PRKDC: variants seen among roughly 807,000 people sequenced by gnomAD.
PRKDC encodes DNA-dependent protein kinase catalytic subunit.
Under a neutral mutation model 486.9 loss-of-function variants are expected in PRKDC, and 82 were observed. The ratio of observed to expected loss-of-function variants is 0.17; its 90% CI spans 0.14 to 0.20. The LOEUF (loss-of-function observed/expected upper bound fraction) is 0.20. Ranked by LOEUF, PRKDC falls within the 10% of genes least tolerant of loss-of-function variation. The pLI is 1.00. For synonymous variants in PRKDC, 1,895 were observed against 1,837.0 expected, an observed-to-expected ratio of 1.03 and a Z score of -0.81; for missense variants, 4,504 against 5,038.2, an observed-to-expected ratio of 0.89 and a Z score of 3.21.
intron 36 of PRKDC, among the ~76,000 whole-genome samples, chr8:47,885,615 G>A (rs1334016722): frequency 2.0e-5 from 3 of 152,032 alleles, no homozygotes; most frequent in African/African-American, 4.8e-5. Flanking sequence ...AATATTGACC[G>A]GGTGCAGTGG....
chr8:47,773,614 A>C lies in PRKDC; in HGVS notation c.*559T>G, dbSNP rs2086557331. ...GAAGAGAATAAAATGAAAGGAAAAA[A>C]CCTAGAAAAATATCCTAAAATATCA... On this transcript the variant is annotated 3_prime_UTR_variant, in exon 86 of 86. Coordinates refer to ENST00000314191, the MANE Select transcript of PRKDC (RefSeq NM_006904.7). The C allele has an allele frequency of 4.5e-6, 1 of 220,532 alleles. No individual in the cohort carries two copies. The highest frequency in any genetic ancestry group is 5.8e-5 in the Admixed American group (1 of 17,330). The allele number at this position is 220,532 out of a possible 1,614,324, so 13.7% of individuals were successfully genotyped here. A position where few individuals can be genotyped will look rare whatever the true frequency, so the allele number is the denominator to read the frequency against.
intron 38 of PRKDC, among the ~76,000 whole-genome samples, chr8:47,880,185 T>C (rs1424058311): frequency 6.6e-6 from 1 of 152,218 alleles, no homozygotes; most frequent in Non-Finnish European, 1.5e-5. Flanking sequence ...GGCTAGTTGG[T>C]TGACGCCAGC....
intron 7 of PRKDC, among the ~76,000 whole-genome samples, chr8:47,950,392 G>A (rs940762179): frequency 2.6e-5 from 4 of 151,902 alleles, no homozygotes; most frequent in Admixed American, 6.6e-5. Context: ...TTGGGAGGCC[G>A]AGCCGGGCAG....
At chr8:47,899,407 A>G (rs1354282352) in intron 28 of PRKDC, among the ~76,000 whole-genome samples, 1 of 152,164 alleles carries the variant, frequency 6.6e-6, no homozygotes, top group Admixed American at 6.5e-5. Context: ...GCATTTTGGG[A>G]GGCTGAGGCA....
intron 7 of PRKDC, among the ~76,000 whole-genome samples, chr8:47,952,882 G>C (rs929148554): frequency 6.6e-6 from 1 of 151,784 alleles, no homozygotes; most frequent in East Asian, 1.9e-4. Context: ...GCTCATGCCT[G>C]TAATCCCAGC....
chr8:47,774,065 A>T lies in PRKDC; in HGVS notation c.*108T>A. 8.7e-7 allele frequency: 1 copy of T among 1,148,664 alleles called. No homozygotes were observed. Among genetic ancestry groups the T allele is most frequent in the Non-Finnish European group, 1.2e-6 (1 of 831,776 alleles). 71.2% of individuals were successfully genotyped at this position (1,148,664 alleles called of 1,614,324 possible). ...GCTACGAAACTGTAGCACAAAAGACATTTCTCTTTAGTGTTTCAGGAAAAT... is the reference window on the plus strand; with the variant it reads ...GCTACGAAACTGTAGCACAAAAGACTTTTCTCTTTAGTGTTTCAGGAAAAT... On this transcript the variant is annotated 3_prime_UTR_variant, in exon 86 of 86. Transcript: ENST00000314191.
intron 21 of PRKDC, among the ~76,000 whole-genome samples, chr8:47,920,711 G>A (rs1043259719): frequency 1.3e-5 from 2 of 152,224 alleles, no homozygotes; most frequent in Non-Finnish European, 2.9e-5. Flanking sequence ...AATATAACAC[G>A]AACATGCACT....
chr8:47,949,117 T>C (rs1476125380), intron 7 of PRKDC, among the ~76,000 whole-genome samples: 2 of 152,234 alleles, frequency 1.3e-5, no homozygotes, highest in African/African-American at 4.8e-5. Flanking sequence ...CCTTGGCTCC[T>C]GCCGCCTTCC....
intron 16 of PRKDC, among the ~76,000 whole-genome samples, chr8:47,932,004 C>T (rs1563809892): frequency 6.6e-6 from 1 of 152,194 alleles, no homozygotes; most frequent in South Asian, 2.1e-4. Context: ...CATTCTCCTG[C>T]CTCTGCCTCC....
In PRKDC at chr8:47,849,141, A is replaced by G; in HGVS notation, c.7280+13T>C. On this transcript the variant is annotated intron_variant, in intron 54 of 85. Transcript: ENST00000314191. ...GCCAGTGGGACCCAAGAGCAGGGCT[A>G]GTGTTCACTCACCTATGTCTCATGA... 2.5e-6 allele frequency: 4 copies of G among 1,613,398 alleles called. No homozygotes were observed. The highest frequency in any genetic ancestry group is 8.5e-7 in the Non-Finnish European group (1 of 1,179,500).
At chr8:47,945,456 T>A (rs1418724065) in intron 7 of PRKDC, among the ~76,000 whole-genome samples, 1 of 152,198 alleles carries the variant, frequency 6.6e-6, no homozygotes, top group Non-Finnish European at 1.5e-5. Context: ...TTTGTCTCTG[T>A]GAATCTGACT....
At position 47,897,184 on chromosome 8, in the gene PRKDC, T is replaced by C; in HGVS notation, c.3575A>G (p.Tyr1192Cys). The change falls in exon 30 of 86, where the codon TAT becomes TGT. Residue 1192 changes from tyrosine to cysteine, a missense_variant. Transcript: ENST00000314191. ...ECRHKSIELF[Y>C]KFVPLLPGNR... ...ACCTGGCAATAAAGGAACGAATTTA[T>C]AAAAGAGTTCAATGGATTTGTGTCG... The C allele has an allele frequency of 6.2e-7, 1 of 1,602,256 alleles. No homozygotes were observed. Among genetic ancestry groups the C allele is most frequent in the Non-Finnish European group, 8.5e-7 (1 of 1,170,410 alleles).
chr8:47,944,282 G>T (rs910454876), intron 7 of PRKDC, among the ~76,000 whole-genome samples: 7 of 151,996 alleles, frequency 4.6e-5, no homozygotes, highest in Admixed American at 2.0e-4. Context: ...AGCTCTAAGA[G>T]ATTTAAACAC....
rs139593183 is a variant in PRKDC at position 47,782,574 on chromosome 8, T to G, written c.11200A>C (p.Arg3734=). 2 of 1,565,522 alleles carry G rather than the reference T, an allele frequency of 1.3e-6. No homozygotes were observed. Among genetic ancestry groups the G allele is most frequent in the Non-Finnish European group, 1.7e-6 (2 of 1,155,146 alleles). The part of the protein sequence containing the change: ...ERVTVMASLR[R]PKRIIIRGHD... ...CCACGGATGATGATGCGCTTGGGCC[T>G]TCGCAGAGACGCCATGACTGTCACC... The change falls in exon 79 of 86, where the codon AGG becomes CGG. Residue 3734 remains arginine, a synonymous_variant. Transcript: ENST00000314191. The surrounding 1 kb of genome is among the most constrained non-coding windows in gnomAD (Gnocchi z 4.9).
chr8:47,948,457 CTTGT>C (rs1461328717), intron 7 of PRKDC, among the ~76,000 whole-genome samples: 2 of 140,038 alleles, frequency 1.4e-5, no homozygotes, highest in African/African-American at 2.7e-5. Flanking sequence ...TCCTGGGTGC[CTTGT>C]TTTTTTTTTT....
chr8:47,859,889 T>C lies in PRKDC; in HGVS notation c.6059-130A>G, dbSNP rs1245459087. The C allele has an allele frequency of 8.4e-6, 8 of 947,242 alleles. No homozygotes were observed. The East Asian group carries it at 1.9e-4, about 22-fold the overall frequency. 58.7% of individuals were successfully genotyped at this position (947,242 alleles called of 1,614,324 possible). On this transcript the variant is annotated intron_variant, in intron 45 of 85. Transcript: ENST00000314191. ...AAGGTTTTCATCAAGCCAGTGATTA[T>C]TAACCTATTATCCAGATTAAGAAAG...
intron 48 of PRKDC, among the ~76,000 whole-genome samples, chr8:47,857,976 T>G (rs1203964905): frequency 6.6e-6 from 1 of 152,112 alleles, no homozygotes; most frequent in East Asian, 1.9e-4. Flanking sequence ...GCCCAGGCAG[T>G]CAGTGCAGAC....
chr8:47,952,762 AG>A (rs1408174122), intron 7 of PRKDC, among the ~76,000 whole-genome samples: 2 of 152,138 alleles, frequency 1.3e-5, no homozygotes, highest in Admixed American at 1.3e-4. Flanking sequence ...CCAGAACTTT[AG>A]GAAGTTGAGG....
chr8:47,914,469 A>G (rs1226063386), intron 23 of PRKDC, among the ~76,000 whole-genome samples: 1 of 152,196 alleles, frequency 6.6e-6, no homozygotes, highest in African/African-American at 2.4e-5. Flanking sequence ...AAAAGTAAAA[A>G]TACAGAGGAA....
Sources: allele counts gnomAD v4.1 joint callset (sites outside exome capture counted in the v4.1 genomes callset), GRCh38; gene constraint gnomAD v4.1.1; non-coding constraint Gnocchi (gnomAD v3.1); transcripts MANE v1.5; gene names NCBI Gene and HGNC (gene_info 2026-07-23, HGNC 2026-07-21).